C8orf34: variants seen among roughly 807,000 people sequenced by gnomAD.
The protein encoded by C8orf34 is uncharacterized protein C8orf34.
Under a neutral mutation model 68.3 loss-of-function variants are expected in C8orf34, and 65 were observed. That is an observed-to-expected ratio of 0.95 (90% CI 0.78 to 1.17). C8orf34 has a LOEUF of 1.17. Ranked by LOEUF, C8orf34 falls within the 50% of genes most tolerant of loss-of-function variation. The pLI, the probability that C8orf34 is intolerant of heterozygous loss-of-function variation, is 0.00. For missense variants in C8orf34, 664 were observed against 655.4 expected (o/e 1.01, Z -0.14); for synonymous variants, 244 against 241.2 (o/e 1.01, Z -0.11).
intron 1 of C8orf34, among the ~76,000 whole-genome samples, chr8:68,375,933 G>T (rs1158930924): frequency 6.6e-6 from 1 of 152,102 alleles, no homozygotes; most frequent in East Asian, 1.9e-4. Context: ...AGAAATGGAA[G>T]CAGTATCTCT....
chr8:68,477,122 A>G (rs1812652478), intron 4 of C8orf34, among the ~76,000 whole-genome samples: 6 of 152,268 alleles, frequency 3.9e-5, no homozygotes, highest in Admixed American at 2.6e-4. Context: ...ATCCTAGTTG[A>G]TAAAGGGGTG....
At chr8:68,688,102 G>T (rs143930563) in intron 8 of C8orf34, among the ~76,000 whole-genome samples, 87 of 152,098 alleles carry the variant, frequency 5.7e-4, no homozygotes, top group African/African-American at 1.7e-3. Flanking sequence ...TGCAAGAATG[G>T]CCATATTTAA....
At chr8:68,604,927 G>A (rs1161497544) in intron 7 of C8orf34, among the ~76,000 whole-genome samples, 1 of 152,090 alleles carries the variant, frequency 6.6e-6, no homozygotes, top group Non-Finnish European at 1.5e-5. Flanking sequence ...AAGAGGCACT[G>A]ACTGGGTAAA....
intron 7 of C8orf34, among the ~76,000 whole-genome samples, chr8:68,600,709 C>T (rs1455763186): frequency 1.3e-5 from 2 of 152,070 alleles, no homozygotes; most frequent in African/African-American, 4.8e-5. Flanking sequence ...AATGATCAAG[C>T]CACAATATTT....
At chr8:68,551,588 A>G (rs988782572) in intron 7 of C8orf34, among the ~76,000 whole-genome samples, 1 of 151,848 alleles carries the variant, frequency 6.6e-6, no homozygotes, top group African/African-American at 2.4e-5. Flanking sequence ...TGTGCCTTTT[A>G]TTATGTCTTG....
intron 3 of C8orf34, among the ~76,000 whole-genome samples, chr8:68,466,191 A>C (rs1812126331): frequency 6.6e-6 from 1 of 151,986 alleles, no homozygotes; most frequent in African/African-American, 2.4e-5. Flanking sequence ...CATGGAGGTA[A>C]GGGATTGAAA....
chr8:68,541,846 TA>T (rs1815713397), intron 7 of C8orf34, among the ~76,000 whole-genome samples: 1 of 152,228 alleles, frequency 6.6e-6, no homozygotes, highest in African/African-American at 2.4e-5. Flanking sequence ...ACACTCATTA[TA>T]AAAGAACATT....
chr8:68,534,108 CATT>C, intron 7 of C8orf34: 1 of 982,868 alleles, frequency 1.0e-6, no homozygotes, highest in East Asian at 1.1e-4. Flanking sequence ...AAAATACTAT[CATT>C]ATAAAAAATG....
At chr8:68,376,939 T>A in intron 1 of C8orf34, among the ~76,000 whole-genome samples, 1 of 152,166 alleles carries the variant, frequency 6.6e-6, no homozygotes, top group African/African-American at 2.4e-5. Context: ...TTGTCTGTAA[T>A]CTAGGGATTT....
chr8:68,518,032 C>T (rs1814591990), intron 5 of C8orf34, among the ~76,000 whole-genome samples: 1 of 152,164 alleles, frequency 6.6e-6, no homozygotes, highest in African/African-American at 2.4e-5. Flanking sequence ...CACAGTGATA[C>T]ATCAAATATA....
intron 10 of C8orf34, among the ~76,000 whole-genome samples, chr8:68,737,827 A>G (rs1249295355): frequency 9.2e-5 from 14 of 152,074 alleles, no homozygotes; most frequent in Admixed American, 9.2e-4. Flanking sequence ...ATAGTGGGAT[A>G]CCTCAACATT....
chr8:68,616,444 T>A (rs1818216645), intron 7 of C8orf34, among the ~76,000 whole-genome samples: 1 of 152,220 alleles, frequency 6.6e-6, no homozygotes, highest in Non-Finnish European at 1.5e-5. Context: ...TAAATTTCCC[T>A]ATACACACTG....
intron 8 of C8orf34, among the ~76,000 whole-genome samples, chr8:68,689,546 A>G (rs1035136077): frequency 2.6e-5 from 4 of 152,080 alleles, no homozygotes; most frequent in African/African-American, 7.2e-5. Flanking sequence ...GAAGTATGGT[A>G]TATCATTCAA....
intron 7 of C8orf34, among the ~76,000 whole-genome samples, chr8:68,595,565 C>T: frequency 6.6e-6 from 1 of 152,002 alleles, no homozygotes; most frequent in Admixed American, 6.6e-5. Context: ...GGGGGAATTT[C>T]TTTCTTTTAA....
intron 7 of C8orf34, among the ~76,000 whole-genome samples, chr8:68,597,271 G>T (rs1224393132): frequency 6.6e-6 from 1 of 151,922 alleles, no homozygotes; most frequent in African/African-American, 2.4e-5. Flanking sequence ...CATGTGCAAG[G>T]GTGGGTCACA....
At chr8:68,600,061 C>G (rs2130486360) in intron 7 of C8orf34, among the ~76,000 whole-genome samples, 1 of 152,184 alleles carries the variant, frequency 6.6e-6, no homozygotes, top group African/African-American at 2.4e-5. Context: ...CAAAGTATAA[C>G]TACAATACCA....
intron 1 of C8orf34, among the ~76,000 whole-genome samples, chr8:68,418,430 TTTGTCATAG>T (rs1809779565): frequency 1.3e-5 from 2 of 152,050 alleles, no homozygotes; most frequent in African/African-American, 4.8e-5. Context: ...TGGCTGTGGG[TTTGTCATAG>T]TTAGCTCTTA....
At chr8:68,389,774 AT>A (rs1406766371) in intron 1 of C8orf34, among the ~76,000 whole-genome samples, 1 of 152,096 alleles carries the variant, frequency 6.6e-6, no homozygotes, top group East Asian at 1.9e-4. Context: ...TGATTTGACG[AT>A]TTCTTTTCTA....
intron 1 of C8orf34, among the ~76,000 whole-genome samples, chr8:68,381,857 CAGAA>C (rs1563392991): frequency 1.4e-5 from 2 of 146,752 alleles, no homozygotes; most frequent in African/African-American, 5.0e-5. Flanking sequence ...AGATTAAAAA[CAGAA>C]AGTAAAAATA....
Sources: gnomAD v4.1 joint callset for allele counts (sites outside exome capture counted in the v4.1 genomes callset) on GRCh38, gnomAD v4.1.1 for gene constraint, MANE v1.5 for transcripts, NCBI Gene and HGNC (gene_info 2026-07-23, HGNC 2026-07-21) for gene names.